Variants in TICRR observed in about 807,000 individuals in gnomAD.
TICRR encodes treslin.
A neutral mutation model predicts 178.1 loss-of-function variants in TICRR; 132 were observed. That is an observed-to-expected ratio of 0.74 (90% CI 0.64 to 0.86). The LOEUF (loss-of-function observed/expected upper bound fraction) is 0.86. Ranked by LOEUF, TICRR falls within the 40% of genes least tolerant of loss-of-function variation. The probability of loss-of-function intolerance (pLI) is 0.00; values close to 1 mark genes in which losing one functional copy is unlikely to be tolerated. For synonymous variants in TICRR, 991 were observed against 900.7 expected (o/e 1.10, Z -1.79); for missense variants, 2,587 against 2,334.3 (o/e 1.11, Z -2.23).
chr15:89,625,293 A>C lies in TICRR; in HGVS notation c.4983A>C (p.Gln1661His). The change falls in exon 20 of 22, where the codon CAA becomes CAC. Residue 1661 changes from glutamine (Q) to histidine (H), a missense_variant. Transcript: ENST00000268138. ...HGPSSTPSPFQTDGVPWTPSP... is the reference protein window; with the variant it reads ...HGPSSTPSPFHTDGVPWTPSP... Reference sequence around the variant, plus strand: ...CTTCTAGTACCCCCTCTCCATTTCAAACAGATGGGGTTCCTTGGACACCAT... The same window carrying C: ...CTTCTAGTACCCCCTCTCCATTTCACACAGATGGGGTTCCTTGGACACCAT... The C allele has an allele frequency of 6.2e-7, 1 of 1,613,906 alleles. No individual in the cohort carries two copies. The highest frequency in any genetic ancestry group is 8.5e-7 in the Non-Finnish European group (1 of 1,179,952).
Position 89,585,932 on chromosome 15 carries a change from T to A in TICRR, c.1401T>A (p.Thr467=). The A allele has an allele frequency of 6.2e-7, 1 of 1,613,502 alleles. No individual in the cohort carries two copies. The highest frequency in any genetic ancestry group is 8.5e-7 in the Non-Finnish European group (1 of 1,179,412). Residue 467 remains threonine (T), a synonymous_variant, in exon 4 of 22, where the codon ACT becomes ACA. Transcript: ENST00000268138. ...AGACTCATGATTCGCTTGCAGATAC[T>A]GCTTCTGCTGGTAAGCTCCTAAACT... ...LNQTHDSLAD[T]ASAASPVPEW...
At chr15:89,618,009 C>T in intron 16 of TICRR, 143 bp from the exon 17 acceptor site, 1 of 830,012 alleles carries the variant, frequency 1.2e-6, no homozygotes, top group Non-Finnish European at 2.0e-6. Context: ...TGACAATAAT[C>T]ACGTATGAGA....
Position 89,575,547 on chromosome 15 carries a change from CGG to C in TICRR, c.-38_-37del. 1 of 1,442,472 alleles carries C rather than the reference CGG, an allele frequency of 6.9e-7. No homozygotes were observed. Among genetic ancestry groups the C allele is most frequent in the Non-Finnish European group, 9.0e-7 (1 of 1,105,278 alleles). The allele number at this position is 1,442,472 out of a possible 1,614,324, so 89.4% of individuals were successfully genotyped here. On this transcript the variant is annotated 5_prime_UTR_variant, in exon 1 of 22. Transcript: ENST00000268138. ...AGGAAGGGACTAAGGGACGGTGGCG[CGG>C]GCCCGGACCGGGGCCCCGGGGCGGC...
rs777688443 is a variant in TICRR at position 89,624,905 on chromosome 15, G to A, written c.4595G>A (p.Arg1532Lys). 6.2e-7 allele frequency: 1 copy of A among 1,614,098 alleles called. No homozygotes were observed. The highest frequency in any genetic ancestry group is 8.5e-7 in the Non-Finnish European group (1 of 1,180,012). ...GACGTGCACTGTACCACAGATGGGA[G>A]ACAGTGCCAGGCTTCGGCACAACTA... is the stretch of plus-strand genomic sequence containing the variant. The part of the protein sequence containing the change: ...SRDVHCTTDG[R>K]QCQASAQLDN... The change falls in exon 20 of 22, where the codon AGA becomes AAA. Residue 1532 changes from arginine to lysine, a missense_variant. Coordinates refer to ENST00000268138, the MANE Select transcript of TICRR (RefSeq NM_152259.4).
In TICRR at chr15:89,627,715, C is replaced by T. The variant is rs532972088; in HGVS notation, c.*629C>T. The T allele has an allele frequency of 1.3e-5, 2 of 153,110 alleles. No homozygotes were observed. The highest frequency in any genetic ancestry group is 2.9e-5 in the Non-Finnish European group (2 of 68,724). The allele number at this position is 153,110 out of a possible 1,614,324, so 9.5% of individuals were successfully genotyped here. A position where few individuals can be genotyped will look rare whatever the true frequency, so the allele number is the denominator to read the frequency against. On this transcript the variant is annotated 3_prime_UTR_variant, in exon 22 of 22. Coordinates refer to ENST00000268138, the MANE Select transcript of TICRR (RefSeq NM_152259.4). Reference sequence around the variant, plus strand: ...AGGACTGTCCAAGAGCCAGCCAGTTCAGGGCTCAGGCCTCACCCATTGCCC... The same window carrying T: ...AGGACTGTCCAAGAGCCAGCCAGTTTAGGGCTCAGGCCTCACCCATTGCCC...
intron 15 of TICRR, among the ~76,000 whole-genome samples, chr15:89,611,637 T>C (rs1305960721): frequency 1.3e-5 from 2 of 152,172 alleles, no homozygotes; most frequent in Non-Finnish European, 2.9e-5. Context: ...GATGGTGTCC[T>C]ACAGGTCCCT....
chr15:89,588,990 G>A (rs530371647), intron 4 of TICRR, among the ~76,000 whole-genome samples: 29 of 152,250 alleles, frequency 1.9e-4, no homozygotes, highest in Admixed American at 1.4e-3. Flanking sequence ...AGAGCATGGC[G>A]GGGGAACAGC....
At position 89,595,461 on chromosome 15, in the gene TICRR, G is replaced by A; in HGVS notation, c.1750G>A (p.Val584Ile). ...TMCRSLKMLN[V>I]ARLNVKAQKL... ...GTGCCGTTCCTTAAAGATGTTGAAT[G>A]TCGCAAGGCTGAATGTGAAGGCCCA... The change falls in exon 7 of 22, where the codon GTC becomes ATC. Residue 584 changes from valine to isoleucine, a missense_variant. Coordinates refer to ENST00000268138, the MANE Select transcript of TICRR (RefSeq NM_152259.4). The A allele has an allele frequency of 6.2e-7, 1 of 1,614,154 alleles. No individual in the cohort carries two copies. Among genetic ancestry groups the A allele is most frequent in the Non-Finnish European group, 8.5e-7 (1 of 1,180,018 alleles).
intron 15 of TICRR, among the ~76,000 whole-genome samples, chr15:89,614,957 C>T (rs1963311132): frequency 6.6e-6 from 1 of 152,182 alleles, no homozygotes; most frequent in South Asian, 2.1e-4. Flanking sequence ...TCAAGGTTAG[C>T]CATAGGTGGC....
In TICRR at chr15:89,624,307, C is replaced by G. The variant is rs145409221; in HGVS notation, c.3997C>G (p.Pro1333Ala). The change falls in exon 20 of 22, where the codon CCT becomes GCT. Residue 1333 changes from proline to alanine, a missense_variant. Physicochemically the swap from Pro to Ala is conservative, Grantham distance 27 (BLOSUM62 -1). Transcript: ENST00000268138. ...SPFRKSKIEC[P>A]SPGELDQKEP... The stretch of plus-strand genomic sequence containing the variant: ...ATTTAGGAAATCTAAAATAGAGTGT[C>G]CTTCCCCAGGAGAACTGGATCAGAA... 341 of 1,614,096 alleles carry G rather than the reference C, an allele frequency of 2.1e-4. No individual in the cohort carries two copies. Among genetic ancestry groups the G allele is most frequent in the Non-Finnish European group, 2.8e-4 (328 of 1,180,058 alleles).
Position 89,624,401 on chromosome 15 carries a change from T to A in TICRR, c.4091T>A (p.Leu1364His). The A allele has an allele frequency of 6.2e-7, 1 of 1,614,104 alleles. No individual in the cohort carries two copies. Among genetic ancestry groups the A allele is most frequent in the Non-Finnish European group, 8.5e-7 (1 of 1,180,022 alleles). The change falls in exon 20 of 22, where the codon CTC (leucine) becomes CAC (histidine). Residue 1364 changes from leucine to histidine, a missense_variant. By Grantham distance (99) the Leu-to-His change is moderately conservative. Transcript: ENST00000268138. ...SCPVPSTPPE[L>H]SQRATLDTVP... is the part of the protein sequence containing the mutation. ...CCTGTTCCCTCAACTCCCCCTGAAC[T>A]CTCACAGAGAGCTACATTGGACACC...
At chr15:89,582,634 T>G in intron 1 of TICRR, 52 bp from the exon 2 acceptor site, 2 of 1,527,060 alleles carry the variant, frequency 1.3e-6, no homozygotes, top group Non-Finnish European at 1.8e-6. Flanking sequence ...TTACTTTTAT[T>G]TGTGAATGCC....
chr15:89,625,077 C>T lies in TICRR; in HGVS notation c.4767C>T (p.Leu1589=), dbSNP rs1963494617. 6.2e-7 allele frequency: 1 copy of T among 1,613,850 alleles called. No individual in the cohort carries two copies. The highest frequency in any genetic ancestry group is 1.3e-5 in the African/African-American group (1 of 74,936). The change falls in exon 20 of 22, where the codon CTC becomes CTT. Residue 1589 remains leucine (L), a synonymous_variant. Coordinates refer to ENST00000268138, the MANE Select transcript of TICRR (RefSeq NM_152259.4). ...GCTCTTCATTAGAGGCTGAGCCCCTCAGCAAGGAGGAGAGCTCTCTGGGAG... is the reference window on the plus strand; with the variant it reads ...GCTCTTCATTAGAGGCTGAGCCCCTTAGCAAGGAGGAGAGCTCTCTGGGAG... ...DPSSSLEAEP[L]SKEESSLGEE... is the part of the protein sequence containing the mutation.
At chr15:89,620,066 T>A (rs1019987636) in intron 18 of TICRR, among the ~76,000 whole-genome samples, 2 of 152,202 alleles carry the variant, frequency 1.3e-5, no homozygotes, top group Non-Finnish European at 2.9e-5. Flanking sequence ...TCATTATAGG[T>A]AGCTCATTCA....
At chr15:89,596,420 C>T (rs937915643) in intron 7 of TICRR, among the ~76,000 whole-genome samples, 2 of 152,224 alleles carry the variant, frequency 1.3e-5, no homozygotes, top group South Asian at 2.1e-4. Flanking sequence ...GATCTTGGCT[C>T]ACTGCAACCT....
chr15:89,617,251 T>C (rs1188258454), intron 16 of TICRR, among the ~76,000 whole-genome samples: 1 of 152,208 alleles, frequency 6.6e-6, no homozygotes, highest in Non-Finnish European at 1.5e-5. Flanking sequence ...TATTCGTATA[T>C]GGATTTTACA....
At chr15:89,610,594 A>C (rs1411141218) in intron 15 of TICRR, among the ~76,000 whole-genome samples, 1 of 152,184 alleles carries the variant, frequency 6.6e-6, no homozygotes, top group Non-Finnish European at 1.5e-5. Flanking sequence ...CTTTGTATCT[A>C]AATTAAATAT....
intron 16 of TICRR, among the ~76,000 whole-genome samples, chr15:89,617,753 G>A (rs372546079): frequency 1.3e-5 from 2 of 148,502 alleles, no homozygotes; most frequent in Non-Finnish European, 3.0e-5. Flanking sequence ...GTGCAGTGGC[G>A]CGATCCTGGC....
chr15:89,603,972 A>G (rs1324753721), intron 13 of TICRR, among the ~76,000 whole-genome samples: 1 of 152,174 alleles, frequency 6.6e-6, no homozygotes, highest in Non-Finnish European at 1.5e-5. Flanking sequence ...AATCACAGAT[A>G]ATGGGGTACT....
Sources: allele counts gnomAD v4.1 joint callset (sites outside exome capture counted in the v4.1 genomes callset), GRCh38; gene constraint gnomAD v4.1.1; transcripts MANE v1.5; gene names NCBI Gene and HGNC (gene_info 2026-07-23, HGNC 2026-07-21).